TNFRSF21: variants seen among roughly 807,000 people sequenced by gnomAD.
TNFRSF21 encodes the protein TNF receptor superfamily member 21, also known as tumor necrosis factor receptor superfamily member 21.
In TNFRSF21, 19 loss-of-function variants were observed where a neutral mutation model predicts 45.6. The ratio of observed to expected loss-of-function variants is 0.42; its 90% confidence interval spans 0.29 to 0.61. TNFRSF21 has a LOEUF of 0.61. TNFRSF21 is among the 20% of genes least tolerant of loss of function. The probability of loss-of-function intolerance (pLI) is 0.23; values close to 1 mark genes in which losing one functional copy is unlikely to be tolerated. For synonymous variants in TNFRSF21, 314 were observed against 335.5 expected (o/e 0.94, Z 0.70); for missense variants, 737 against 851.5 (o/e 0.87, Z 1.67).
intron 3 of TNFRSF21, among the ~76,000 whole-genome samples, chr6:47,281,579 C>A (rs1762567753): frequency 6.6e-6 from 1 of 152,066 alleles, no homozygotes; most frequent in African/African-American, 2.4e-5. Context: ...CGAGGTTTCG[C>A]CATGTTGGCC....
Position 47,286,134 on chromosome 6 carries a change from G to A in TNFRSF21, c.558C>T (p.Cys186=). The change falls in exon 2 of 6, where the codon TGC becomes TGT. Residue 186 remains cysteine (C), a synonymous_variant. Coordinates refer to ENST00000296861, the MANE Select transcript of TNFRSF21 (RefSeq NM_014452.5). ...FSDVPSSVMK[C]KAYTDCLSQN... ...GACTCAGACAGTCTGTGTATGCTTT[G>A]CATTTCATCACACTAGAAGGCACAT... 4 of 1,614,210 alleles carry A rather than the reference G, an allele frequency of 2.5e-6. No individual in the cohort carries two copies. Among genetic ancestry groups the A allele is most frequent in the Non-Finnish European group, 2.5e-6 (3 of 1,180,044 alleles).
intron 3 of TNFRSF21, among the ~76,000 whole-genome samples, chr6:47,261,112 A>G (rs1765068205): frequency 6.6e-6 from 1 of 152,174 alleles, no homozygotes; most frequent in Non-Finnish European, 1.5e-5. Flanking sequence ...AACCTCCCTA[A>G]AAGACATGCT....
intron 4 of TNFRSF21, 51 bp downstream of exon 4, chr6:47,253,205 G>A (rs1422434037): frequency 2.9e-5 from 46 of 1,584,652 alleles, no homozygotes; most frequent in Non-Finnish European, 4.0e-5. Context: ...AAAATTTGAA[G>A]CATAGGGGCA....
chr6:47,261,744 C>T (rs1289002312), intron 3 of TNFRSF21, among the ~76,000 whole-genome samples: 1 of 152,202 alleles, frequency 6.6e-6, no homozygotes, highest in Non-Finnish European at 1.5e-5. Flanking sequence ...CCAGATTCTC[C>T]CACTGCAGCA....
At chr6:47,249,153 C>T (rs141256736) in intron 4 of TNFRSF21, among the ~76,000 whole-genome samples, 2,731 of 152,294 alleles carry the variant, frequency 0.018, 47 homozygotes, top group Non-Finnish European at 0.027. Context: ...TGGATTTACT[C>T]CTTCAGATTA....
chr6:47,290,836 T>C (rs1021419069), intron 1 of TNFRSF21, among the ~76,000 whole-genome samples: 1 of 152,176 alleles, frequency 6.6e-6, no homozygotes, highest in African/African-American at 2.4e-5. Context: ...CAAATAATTA[T>C]TGAAGACCTA....
intron 3 of TNFRSF21, among the ~76,000 whole-genome samples, chr6:47,271,644 G>A (rs1164309946): frequency 6.6e-6 from 1 of 152,122 alleles, no homozygotes; most frequent in Non-Finnish European, 1.5e-5. Context: ...ATAATGACAA[G>A]ATCAAACTCA....
intron 4 of TNFRSF21, among the ~76,000 whole-genome samples, chr6:47,242,802 C>T (rs1764765780): frequency 1.3e-5 from 2 of 152,212 alleles, no homozygotes; most frequent in South Asian, 2.1e-4. Flanking sequence ...AGCCCACTCA[C>T]GTTTGAAAAT....
At chr6:47,289,584 C>T (rs1762693178) in intron 1 of TNFRSF21, among the ~76,000 whole-genome samples, 1 of 152,162 alleles carries the variant, frequency 6.6e-6, no homozygotes, top group Admixed American at 6.5e-5. Context: ...TCCCTTCTGA[C>T]TTTACCTTTC....
intron 3 of TNFRSF21, among the ~76,000 whole-genome samples, chr6:47,266,174 C>G (rs1342187688): frequency 6.6e-6 from 1 of 152,166 alleles, no homozygotes; most frequent in African/African-American, 2.4e-5. Flanking sequence ...ACTGCTTACC[C>G]TAGAAAGAGG....
At chr6:47,303,705 T>C (rs1411215934) in intron 1 of TNFRSF21, among the ~76,000 whole-genome samples, 1 of 152,168 alleles carries the variant, frequency 6.6e-6, no homozygotes, top group African/African-American at 2.4e-5. Flanking sequence ...CTACCCAAGC[T>C]CCTCTCCTCT....
intron 3 of TNFRSF21, among the ~76,000 whole-genome samples, chr6:47,260,777 G>T (rs2113853348): frequency 6.6e-6 from 1 of 152,284 alleles, no homozygotes; most frequent in Admixed American, 6.5e-5. Context: ...GCACAATCAG[G>T]CTTCGTGCAG....
chr6:47,291,756 GTC>G, intron 1 of TNFRSF21, among the ~76,000 whole-genome samples: 1 of 152,218 alleles, frequency 6.6e-6, no homozygotes, highest in East Asian at 1.9e-4. Context: ...CCTAAAACAA[GTC>G]TGAAAATCAC....
At position 47,234,969 on chromosome 6, in the gene TNFRSF21, G is replaced by C. The variant is rs896235971; in HGVS notation, c.1510-71C>G. ...AGTAAAATTAAAATCCCTCCTCAGA[G>C]GCTATTTTTTTTGTTCCATTTAACA... On this transcript the variant is annotated intron_variant, in intron 4 of 5. Transcript: ENST00000296861. 1.3e-5 allele frequency: 12 copies of C among 930,640 alleles called. No individual in the cohort carries two copies. In the Admixed American group the frequency reaches 2.4e-4, roughly 19 times the overall value. 57.6% of individuals were successfully genotyped at this position (930,640 alleles called of 1,614,324 possible).
intron 2 of TNFRSF21, among the ~76,000 whole-genome samples, chr6:47,285,012 T>C (rs9463320): frequency 0.07 from 10,705 of 152,202 alleles, 1,274 homozygotes; most frequent in African/African-American, 0.24. Flanking sequence ...GAAGCCTCCA[T>C]AAGTAATTTT....
chr6:47,275,778 C>T (rs1762488011), intron 3 of TNFRSF21, among the ~76,000 whole-genome samples: 1 of 152,190 alleles, frequency 6.6e-6, no homozygotes, highest in Admixed American at 6.5e-5. Context: ...AACCTGCCCT[C>T]ACACGTTCAA....
At chr6:47,297,800 G>A (rs1428808964) in intron 1 of TNFRSF21, among the ~76,000 whole-genome samples, 2 of 152,152 alleles carry the variant, frequency 1.3e-5, no homozygotes, top group East Asian at 3.9e-4. Context: ...TGGCATCACA[G>A]ATGTAAGCCA....
rs1292067459 is a variant in TNFRSF21, at chr6:47,275,492, CG to C, written c.1243+8445del. Among the ~76,000 whole-genome samples the C allele has an allele frequency of 6.6e-5, 10 of 151,952 alleles. No individual in the cohort carries two copies. The East Asian group carries it at 1.7e-3, about 26-fold the overall frequency. ...ACACAGGGTGGGGAACATCACCCAC[CG>C]GGGCCTGTTGGGGGGTGGCGGACTC... On this transcript the variant is annotated intron_variant, in intron 3 of 5. Coordinates refer to ENST00000296861, the MANE Select transcript of TNFRSF21 (RefSeq NM_014452.5).
rs745858407 is a variant in TNFRSF21, at chr6:47,273,032, C to A, written c.1243+10906G>T. Among the ~76,000 whole-genome samples, 30 of 151,932 alleles carry A rather than the reference C, an allele frequency of 2.0e-4. 1 individual carries two copies. The highest frequency in any genetic ancestry group is 9.2e-4 in the Admixed American group (14 of 15,242). On this transcript the variant is annotated intron_variant, in intron 3 of 5. Coordinates refer to ENST00000296861, the MANE Select transcript of TNFRSF21 (RefSeq NM_014452.5). ...TTGAGGCAATAATTAATAGCCTACC[C>A]ACCAAAAAATGTCCAGGACCAGATG... is the stretch of plus-strand genomic sequence containing the variant.
Sources: gnomAD v4.1 joint callset for allele counts (sites outside exome capture counted in the v4.1 genomes callset) on GRCh38, gnomAD v4.1.1 for gene constraint, MANE v1.5 for transcripts, NCBI Gene and HGNC (gene_info 2026-07-23, HGNC 2026-07-21) for gene names.